Variants in ARHGEF28 observed in about 807,000 individuals in gnomAD.
ARHGEF28 encodes the protein 190 kDa guanine nucleotide exchange factor.
ARHGEF28 carries 152 observed loss-of-function variants against 206.6 expected under a neutral mutation model. The observed-to-expected ratio is 0.74, with a 90% CI of 0.64 to 0.84. ARHGEF28 has a LOEUF of 0.84. ARHGEF28 is among the 40% of genes least tolerant of loss of function. ARHGEF28 has a pLI of 0.00. For synonymous variants in ARHGEF28, 763 were observed against 776.4 expected (o/e 0.98, Z 0.29); for missense variants, 2,028 against 2,073.2 (o/e 0.98, Z 0.42).
intron 9 of ARHGEF28, among the ~76,000 whole-genome samples, chr5:73,826,765 G>T (rs1408852761): frequency 1.3e-5 from 2 of 152,086 alleles, no homozygotes; most frequent in Non-Finnish European, 2.9e-5. Flanking sequence ...TCTTTCTATG[G>T]GTGGAATCTA....
intron 1 of ARHGEF28, among the ~76,000 whole-genome samples, chr5:73,632,308 A>G (rs960132520): frequency 1.3e-5 from 2 of 152,166 alleles, no homozygotes; most frequent in Non-Finnish European, 2.9e-5. Context: ...AACTGTATCA[A>G]CCTGCATGGG....
At chr5:73,783,831 G>C (rs1753994197) in intron 7 of ARHGEF28, among the ~76,000 whole-genome samples, 1 of 152,146 alleles carries the variant, frequency 6.6e-6, no homozygotes, top group Non-Finnish European at 1.5e-5. Context: ...GGGCAGCCAA[G>C]TTAATATACG....
In ARHGEF28 at chr5:73,931,022, A is replaced by G. The variant is rs977127360; in HGVS notation, c.4949-9822A>G. 1.4e-4 allele frequency among the ~76,000 whole-genome samples: 21 copies of G among 152,192 alleles called. 1 individual carries two copies. The highest frequency in any genetic ancestry group is 1.5e-5 in the Non-Finnish European group (1 of 68,028). ...TTGGACATATCTCCAGGCCCTCCCT[A>G]AGAAAAAGTCTGATTAAAGGAAATT... On this transcript the variant is annotated intron_variant, in intron 35 of 35. Coordinates refer to ENST00000513042, the MANE Select transcript of ARHGEF28 (RefSeq NM_001177693.2).
chr5:73,911,333 A>T lies in ARHGEF28; in HGVS notation c.4706A>T (p.Glu1569Val). Residue 1569 changes from glutamate (E) to valine (V), a missense_variant, in exon 35 of 36, where the codon GAA becomes GTA. By Grantham distance (121) the Glu-to-Val change is moderately radical (BLOSUM62 -2). Coordinates refer to ENST00000513042, the MANE Select transcript of ARHGEF28 (RefSeq NM_001177693.2). ...LCHENSFFIN[E>V]ALVQMSFNTF... Reference sequence around the variant, plus strand: ...CATGAAAACTCATTCTTCATCAATGAAGCTTTAGTACAAATGTCATTTAAC... The same window carrying T: ...CATGAAAACTCATTCTTCATCAATGTAGCTTTAGTACAAATGTCATTTAAC... 1 of 1,611,822 alleles carries T rather than the reference A, an allele frequency of 6.2e-7. No homozygotes were observed. The highest frequency in any genetic ancestry group is 8.5e-7 in the Non-Finnish European group (1 of 1,178,856).
chr5:73,879,587 G>T (rs1760771399), intron 22 of ARHGEF28, among the ~76,000 whole-genome samples: 1 of 152,188 alleles, frequency 6.6e-6, no homozygotes, highest in Non-Finnish European at 1.5e-5. Context: ...TGATGGTGAT[G>T]TACAGATGGG....
At chr5:73,893,140 A>T in intron 27 of ARHGEF28, 57 bp from the exon 28 acceptor site, 1 of 1,362,234 alleles carries the variant, frequency 7.3e-7, no homozygotes, top group South Asian at 1.6e-5. Context: ...TTTCTAATGA[A>T]TCTACAGATA....
chr5:73,655,774 A>T (rs1285611992), intron 1 of ARHGEF28, among the ~76,000 whole-genome samples: 1 of 152,300 alleles, frequency 6.6e-6, no homozygotes, highest in South Asian at 2.1e-4. Flanking sequence ...TTCCTTGACC[A>T]TTAGAAAACC....
At chr5:73,893,757 C>T (rs1418436434) in intron 28 of ARHGEF28, among the ~76,000 whole-genome samples, 1 of 152,154 alleles carries the variant, frequency 6.6e-6, no homozygotes, top group Non-Finnish European at 1.5e-5. Context: ...TGGGCCTCAC[C>T]CTCCACCGAT....
intron 1 of ARHGEF28, among the ~76,000 whole-genome samples, chr5:73,662,611 A>G (rs1282979225): frequency 2.6e-5 from 4 of 152,262 alleles, no homozygotes; most frequent in African/African-American, 9.6e-5. Context: ...AAAATATTTG[A>G]AATATTAGAA....
At chr5:73,848,674 A>C (rs1758518183) in intron 12 of ARHGEF28, among the ~76,000 whole-genome samples, 1 of 152,200 alleles carries the variant, frequency 6.6e-6, no homozygotes, top group Non-Finnish European at 1.5e-5. Flanking sequence ...ATTGTTGAAT[A>C]TACAAAGAAA....
At chr5:73,833,115 A>G (rs1757402948) in intron 10 of ARHGEF28, among the ~76,000 whole-genome samples, 1 of 152,126 alleles carries the variant, frequency 6.6e-6, no homozygotes. Context: ...TGATCTTCAA[A>G]TTTTAGTATT....
chr5:73,912,278 C>G (rs992215043), intron 35 of ARHGEF28, among the ~76,000 whole-genome samples: 7 of 152,066 alleles, frequency 4.6e-5, no homozygotes, highest in Admixed American at 2.6e-4. Flanking sequence ...ACCTCTCTAC[C>G]GAAAAACAGA....
intron 2 of ARHGEF28, among the ~76,000 whole-genome samples, chr5:73,718,331 C>G (rs1749713889): frequency 6.6e-6 from 1 of 152,202 alleles, no homozygotes; most frequent in Non-Finnish European, 1.5e-5. Context: ...CAAAATGACT[C>G]TGCTCTAGGG....
At chr5:73,938,201 A>ACACACAC (rs1561211238) in intron 35 of ARHGEF28, among the ~76,000 whole-genome samples, 4 of 34,266 alleles carry the variant, frequency 1.2e-4, no homozygotes, top group Non-Finnish European at 3.3e-4. Context: ...CACACACACA[A>ACACACAC]CTCCCCATCC....
At chr5:73,824,330 T>C (rs1216896028) in intron 9 of ARHGEF28, among the ~76,000 whole-genome samples, 3 of 152,104 alleles carry the variant, frequency 2.0e-5, no homozygotes, top group Non-Finnish European at 4.4e-5. Context: ...AAGAGCAAAA[T>C]AAAACTCTCA....
At chr5:73,773,713 A>T in intron 4 of ARHGEF28, 142 bp from the exon 5 acceptor site, 1 of 899,248 alleles carries the variant, frequency 1.1e-6, no homozygotes, top group Non-Finnish European at 1.6e-6. Flanking sequence ...GTAAAATGAG[A>T]TACAGTGATT....
At chr5:73,756,454 G>A (rs1026905209) in intron 4 of ARHGEF28, among the ~76,000 whole-genome samples, 30 of 152,206 alleles carry the variant, frequency 2.0e-4, no homozygotes, top group African/African-American at 6.3e-4. Flanking sequence ...ACTGTCTGCA[G>A]CCTAGACTTG....
intron 9 of ARHGEF28, among the ~76,000 whole-genome samples, chr5:73,824,467 G>T (rs916114312): frequency 2.0e-5 from 3 of 150,920 alleles, no homozygotes; most frequent in African/African-American, 7.3e-5. Context: ...ACTGGGGTTT[G>T]AAGACTTTTT....
chr5:73,872,668 T>C (rs796736676), intron 21 of ARHGEF28, among the ~76,000 whole-genome samples: 10 of 152,206 alleles, frequency 6.6e-5, no homozygotes, highest in African/African-American at 2.4e-4. Context: ...TTGTATTTCA[T>C]AGGGCATTCA....
Sources: allele counts gnomAD v4.1 joint callset (sites outside exome capture counted in the v4.1 genomes callset), GRCh38; gene constraint gnomAD v4.1.1; transcripts MANE v1.5; gene names NCBI Gene and HGNC (gene_info 2026-07-23, HGNC 2026-07-21).